PLEKHA4: variants seen among roughly 807,000 people sequenced by gnomAD.
PLEKHA4 encodes the protein pleckstrin homology domain containing A4, also known as pleckstrin homology domain-containing family A member 4.
Under a neutral mutation model 94.7 loss-of-function variants are expected in PLEKHA4, and 73 were observed. The ratio of observed to expected loss-of-function variants is 0.77; its 90% confidence interval spans 0.64 to 0.94. The LOEUF is 0.94. PLEKHA4 is among the 40% of genes least tolerant of loss of function. PLEKHA4 has a pLI of 0.00. For missense variants in PLEKHA4, 1,049 were observed against 1,054.1 expected (o/e 1.00, Z 0.07); for synonymous variants, 449 against 437.1 (o/e 1.03, Z -0.34).
intron 17 of PLEKHA4, among the ~76,000 whole-genome samples, chr19:48,840,805 T>C (rs1156605716): frequency 6.6e-6 from 1 of 152,202 alleles, no homozygotes; most frequent in Non-Finnish European, 1.5e-5. Context: ...GTTCTTCCTA[T>C]TGAAAGGGCA....
At chr19:48,840,399 T>C (rs532987461) in intron 17 of PLEKHA4, among the ~76,000 whole-genome samples, 2 of 150,248 alleles carry the variant, frequency 1.3e-5, no homozygotes, top group East Asian at 3.9e-4. Context: ...TGGGCGACCT[T>C]GTCCCTGAAA....
chr19:48,840,828 A>G (rs2035733169), intron 17 of PLEKHA4, among the ~76,000 whole-genome samples: 1 of 151,990 alleles, frequency 6.6e-6, no homozygotes, highest in African/African-American at 2.4e-5. Context: ...AATAAAATCA[A>G]TTTTCTTCCT....
rs936535719 is a variant in PLEKHA4, at chr19:48,845,218, C to T, written c.1743+152G>A. ...CCAAAGTCACACAGCTTAGAAGCGA[C>T]AGAGACAAAAATCAATCTCAATGCT... On this transcript the variant is annotated intron_variant, in intron 16 of 19. Coordinates refer to ENST00000263265, the MANE Select transcript of PLEKHA4 (RefSeq NM_020904.3). The T allele has an allele frequency of 1.4e-5, 10 of 732,230 alleles. No homozygotes were observed. In the Admixed American group the frequency reaches 2.5e-4, roughly 19 times the overall value. 45.4% of individuals were successfully genotyped at this position (732,230 alleles called of 1,614,324 possible).
chr19:48,853,916 C>T (rs1006457545), intron 11 of PLEKHA4, 85 bp from the exon 12 acceptor site: 15 of 1,595,552 alleles, frequency 9.4e-6, no homozygotes, highest in East Asian at 6.7e-5. Context: ...ACGTCCTGGA[C>T]GTCCAGTCAG....
In PLEKHA4 at chr19:48,854,239, A is replaced by T. The variant is rs201988759; in HGVS notation, c.1073T>A (p.Phe358Tyr). 26 of 1,614,022 alleles carry T rather than the reference A, an allele frequency of 1.6e-5. No individual in the cohort carries two copies. The highest frequency in any genetic ancestry group is 5.9e-6 in the Non-Finnish European group (7 of 1,180,012). Residue 358 changes from phenylalanine to tyrosine, a missense_variant, in exon 10 of 20, where the codon TTC (phenylalanine) becomes TAC (tyrosine). Coordinates refer to ENST00000263265, the MANE Select transcript of PLEKHA4 (RefSeq NM_020904.3). ...LLPGPPLEST[F>Y]HQSLETDTLL... ...TACATCTGTCTCCAAGCTTTGGTGG[A>T]AAGTTGACTCCAGGGGAGGACCCGG...
intron 12 of PLEKHA4, among the ~76,000 whole-genome samples, chr19:48,852,789 C>T (rs2036249355): frequency 6.6e-6 from 1 of 152,070 alleles, no homozygotes; most frequent in South Asian, 2.1e-4. Context: ...AAAAATTAGC[C>T]AGGAATGGTG....
At chr19:48,838,165 T>C in intron 18 of PLEKHA4, 36 bp from the exon 19 acceptor site, 4 of 980,838 alleles carry the variant, frequency 4.1e-6, no homozygotes, top group South Asian at 1.3e-5. Flanking sequence ...TGGGGGTGTG[T>C]ACATGGGGGA....
intron 13 of PLEKHA4, among the ~76,000 whole-genome samples, chr19:48,849,628 T>A (rs2036104837): frequency 1.3e-5 from 2 of 152,154 alleles, no homozygotes; most frequent in Admixed American, 1.3e-4. Context: ...TTTTTAAAGA[T>A]ACATGATTTA....
intron 3 of PLEKHA4, among the ~76,000 whole-genome samples, chr19:48,862,049 C>T (rs537727962): frequency 3.4e-4 from 52 of 151,788 alleles, no homozygotes; most frequent in Admixed American, 8.5e-4. Context: ...ATCACTTGAG[C>T]CTGGGAGTGG....
rs113007197 is a variant in PLEKHA4, at chr19:48,854,289, G to T, written c.1048-25C>A. 235 of 1,608,038 alleles carry T rather than the reference G, an allele frequency of 1.5e-4. 2 individuals are homozygous for T. In the South Asian group the frequency reaches 1.7e-3, roughly 12 times the overall value. On this transcript the variant is annotated intron_variant, in intron 9 of 19. Coordinates refer to ENST00000263265, the MANE Select transcript of PLEKHA4 (RefSeq NM_020904.3). ...GCTGAAGAGAAGGAAAAAAGTCAGG[G>T]GTCAAAGGGGACAGGCTGGTCATTC...
In PLEKHA4 at chr19:48,838,011, A is replaced by C. The variant is rs2035604158; in HGVS notation, c.2077+6T>G. 1 of 1,603,788 alleles carries C rather than the reference A, an allele frequency of 6.2e-7. No homozygotes were observed. Among genetic ancestry groups the C allele is most frequent in the African/African-American group, 1.3e-5 (1 of 74,634 alleles). ...ACCCAGAAGTCCAACATCCCCAGCC[A>C]GTCACCTGTCATCATTCTGTGCCAC... On this transcript the variant is annotated splice_donor_region_variant and intron_variant, in intron 19 of 19. Transcript: ENST00000263265.
At chr19:48,844,119 T>TTTA (rs60910939) in intron 16 of PLEKHA4, among the ~76,000 whole-genome samples, 9,686 of 134,710 alleles carry the variant, frequency 0.072, 389 homozygotes, top group East Asian at 0.11. Flanking sequence ...CCTTATTTAT[T>TTTA]TTATTATTAT....
At chr19:48,840,667 C>T (rs1171677566) in intron 17 of PLEKHA4, among the ~76,000 whole-genome samples, 5 of 151,972 alleles carry the variant, frequency 3.3e-5, no homozygotes, top group African/African-American at 7.3e-5. Context: ...TCAGGTGATC[C>T]GCCCTCCTTG....
At chr19:48,839,507 C>A (rs1378732995) in intron 17 of PLEKHA4, among the ~76,000 whole-genome samples, 2 of 151,930 alleles carry the variant, frequency 1.3e-5, no homozygotes, top group African/African-American at 4.8e-5. Context: ...TCTCGACTTC[C>A]CAGGCTTGGA....
intron 13 of PLEKHA4, among the ~76,000 whole-genome samples, chr19:48,848,345 G>A (rs1172963744): frequency 6.6e-6 from 1 of 151,528 alleles, no homozygotes; most frequent in Non-Finnish European, 1.5e-5. Flanking sequence ...AATTAGCCGG[G>A]CGTAGTGGCG....
chr19:48,865,547 C>T lies in PLEKHA4; in HGVS notation c.148G>A (p.Asp50Asn), dbSNP rs369838959. The T allele has an allele frequency of 1.6e-4, 256 of 1,614,036 alleles. 2 individuals are homozygous for T. The South Asian group carries it at 2.5e-3, about 16-fold the overall frequency. ...CGGATGTGCACGGGAAGGTTGGGAT[C>T]CCTCCTGAGCGCATTGCCTCTCTTC... ...FGKRGNALRR[D>N]PNLPVHIRGW... is the part of the protein sequence containing the mutation. The change falls in exon 3 of 20, where the codon GAT becomes AAT. Residue 50 changes from aspartate (D) to asparagine (N), a missense_variant. Physicochemically the swap from Asp to Asn is conservative, Grantham distance 23 (BLOSUM62 1). Coordinates refer to ENST00000263265, the MANE Select transcript of PLEKHA4 (RefSeq NM_020904.3).
At chr19:48,846,566 A>G (rs1309034722) in intron 14 of PLEKHA4, among the ~76,000 whole-genome samples, 1 of 152,098 alleles carries the variant, frequency 6.6e-6, no homozygotes, top group East Asian at 1.9e-4. Context: ...CAGGAGGTCA[A>G]GACCAGCCTA....
intron 5 of PLEKHA4, 33 bp downstream of exon 5, chr19:48,861,368 C>A: frequency 6.3e-7 from 1 of 1,576,162 alleles, no homozygotes; most frequent in Admixed American, 1.7e-5. Context: ...CAGTTCCCAT[C>A]GCCTGGTGCA....
At chr19:48,849,803 G>C (rs1393794897) in intron 13 of PLEKHA4, among the ~76,000 whole-genome samples, 1 of 152,170 alleles carries the variant, frequency 6.6e-6, no homozygotes, top group Non-Finnish European at 1.5e-5. Flanking sequence ...AGATGAACTT[G>C]CAAGATGGAA....
Sources: allele counts gnomAD v4.1 joint callset (sites outside exome capture counted in the v4.1 genomes callset), GRCh38; gene constraint gnomAD v4.1.1; transcripts MANE v1.5; gene names NCBI Gene and HGNC (gene_info 2026-07-23, HGNC 2026-07-21).